The following ARHGAP6 variants were observed in gnomAD, a reference collection of about 807,000 sequenced individuals.
ARHGAP6 encodes rho GTPase-activating protein 6.
ARHGAP6 carries 16 observed loss-of-function variants against 55.7 expected under a neutral mutation model. That is an observed-to-expected ratio of 0.29 (90% confidence interval 0.19 to 0.44). ARHGAP6 has a LOEUF of 0.44. Among genes scored for constraint, ARHGAP6 ranks in the 20% least tolerant of loss-of-function variants. The probability of loss-of-function intolerance (pLI) is 1.00; values close to 1 mark genes in which losing one functional copy is unlikely to be tolerated. For missense variants in ARHGAP6, 698 were observed against 808.9 expected (o/e 0.86, Z 1.66); for synonymous variants, 382 against 360.9 (o/e 1.06, Z -0.66).
rs535056484 is a variant in ARHGAP6 at position 11,190,460 on chromosome X, GAT to G, written c.821-1478_821-1477del. Reference sequence around the variant, plus strand: ...GACCTCCTGTTATGTACCCTGAGGAGATATATATATATATATATATACATATA... The same window carrying G: ...GACCTCCTGTTATGTACCCTGAGGAGATATATATATATATATATACATATA... On this transcript the variant is annotated intron_variant, in intron 3 of 12. Coordinates refer to ENST00000337414, the MANE Select transcript of ARHGAP6 (RefSeq NM_013427.3). Among the ~76,000 whole-genome samples the G allele has an allele frequency of 1.9e-3, 144 of 76,914 alleles. 1 individual carries two copies. The highest frequency in any genetic ancestry group is 2.5e-3 in the South Asian group (4 of 1,598). The allele number at this position is 76,914 out of a possible 115,157, so 66.8% of individuals were successfully genotyped here. A position where few individuals can be genotyped will look rare whatever the true frequency, so the allele number is the denominator to read the frequency against.
At chrX:11,590,920 A>AAAGAG (rs2051821297) in intron 1 of ARHGAP6, among the ~76,000 whole-genome samples, 1 of 65,456 alleles carries the variant, frequency 1.5e-5, no homozygotes, top group African/African-American at 6.6e-5. Flanking sequence ...GAAAGAAAAG[A>AAAGAG]AAAGAAAAGA....
At chrX:11,302,046 T>C (rs1391137152) in intron 1 of ARHGAP6, among the ~76,000 whole-genome samples, 1 of 112,443 alleles carries the variant, frequency 8.9e-6, no homozygotes, top group Non-Finnish European at 1.9e-5. Flanking sequence ...ATACATTAAC[T>C]GGTAATTATA....
chrX:11,417,103 TATACAC>T (rs1359924122), intron 1 of ARHGAP6, among the ~76,000 whole-genome samples: 1 of 79,870 alleles, frequency 1.3e-5, no homozygotes, highest in African/African-American at 4.8e-5. Flanking sequence ...TATATATATA[TATACAC>T]ATACATATAT....
At chrX:11,182,639 T>C (rs1200625883) in intron 5 of ARHGAP6, among the ~76,000 whole-genome samples, 2 of 101,885 alleles carry the variant, frequency 2.0e-5, no homozygotes, top group Non-Finnish European at 4.0e-5. Flanking sequence ...TTTTTTCTTT[T>C]TTTTTTTTTT....
intron 8 of ARHGAP6, among the ~76,000 whole-genome samples, chrX:11,174,774 G>T (rs1006053894): frequency 9.6e-6 from 1 of 104,594 alleles, no homozygotes; most frequent in African/African-American, 3.5e-5. Flanking sequence ...TGCAAGCTCC[G>T]CCTCCCAGGT....
chrX:11,151,044 C>T (rs1201351632), intron 10 of ARHGAP6, among the ~76,000 whole-genome samples: 1 of 111,159 alleles, frequency 9.0e-6, no homozygotes, highest in Non-Finnish European at 1.9e-5. Context: ...TCACTAAGTC[C>T]CAGTCCTACT....
At chrX:11,161,198 C>T (rs1468208791) in intron 9 of ARHGAP6, among the ~76,000 whole-genome samples, 1 of 112,206 alleles carries the variant, frequency 8.9e-6, no homozygotes, top group African/African-American at 3.2e-5. Flanking sequence ...TAATCTTTGG[C>T]TATAACTGCA....
chrX:11,523,412 G>T (rs1479282152), intron 1 of ARHGAP6, among the ~76,000 whole-genome samples: 1 of 110,860 alleles, frequency 9.0e-6, no homozygotes, highest in Non-Finnish European at 1.9e-5. Context: ...AAGAAATAAA[G>T]GGTATTCAAT....
intron 1 of ARHGAP6, among the ~76,000 whole-genome samples, chrX:11,578,650 T>C (rs972081045): frequency 8.1e-5 from 9 of 111,742 alleles, no homozygotes; most frequent in African/African-American, 2.9e-4. Flanking sequence ...AAACTAGAAA[T>C]ACTATTTAAC....
chrX:11,581,920 C>T (rs997182567), intron 1 of ARHGAP6, among the ~76,000 whole-genome samples: 1 of 111,152 alleles, frequency 9.0e-6, no homozygotes, highest in East Asian at 2.8e-4. Context: ...CCCCACTCTC[C>T]CAAACTTTCA....
chrX:11,355,704 G>A (rs2048922432), intron 1 of ARHGAP6, among the ~76,000 whole-genome samples: 1 of 111,522 alleles, frequency 9.0e-6, no homozygotes, highest in African/African-American at 3.3e-5. Context: ...TTGGGTGAGT[G>A]GCCAAACATA....
chrX:11,399,205 T>C (rs888829092), intron 1 of ARHGAP6, among the ~76,000 whole-genome samples: 6 of 110,664 alleles, frequency 5.4e-5, no homozygotes, highest in East Asian at 5.6e-4. Context: ...GGAAACTATA[T>C]GAAGCAAAGG....
intron 1 of ARHGAP6, among the ~76,000 whole-genome samples, chrX:11,316,425 T>A (rs770881984): frequency 1.2e-4 from 14 of 112,329 alleles, no homozygotes; most frequent in African/African-American, 3.9e-4. Context: ...ACAGGATTTT[T>A]AAAAAATTAA....
intron 1 of ARHGAP6, among the ~76,000 whole-genome samples, chrX:11,540,734 A>G (rs2051149775): frequency 8.9e-6 from 1 of 112,676 alleles, no homozygotes; most frequent in South Asian, 3.7e-4. Context: ...GTAAAGAAGA[A>G]CATGGTGAAC....
intron 1 of ARHGAP6, among the ~76,000 whole-genome samples, chrX:11,349,556 CA>C (rs955577212): frequency 7.4e-5 from 8 of 107,517 alleles, no homozygotes; most frequent in African/African-American, 2.7e-4. Flanking sequence ...TGAATGAGAG[CA>C]AAAAAAAAGA....
chrX:11,437,919 CAG>C (rs970856939), intron 1 of ARHGAP6, among the ~76,000 whole-genome samples: 1 of 112,227 alleles, frequency 8.9e-6, no homozygotes, highest in African/African-American at 3.2e-5. Flanking sequence ...AGAGCACAGA[CAG>C]AGTCCACTGT....
intron 1 of ARHGAP6, among the ~76,000 whole-genome samples, chrX:11,655,235 ATTG>A (rs914310869): frequency 9.3e-6 from 1 of 107,404 alleles, no homozygotes; most frequent in African/African-American, 3.4e-5. Context: ...ATTCCTTTTT[ATTG>A]TTGAGTAATT....
chrX:11,292,659 G>A (rs2048014393), intron 1 of ARHGAP6, among the ~76,000 whole-genome samples: 1 of 112,006 alleles, frequency 8.9e-6, no homozygotes, highest in Non-Finnish European at 1.9e-5. Flanking sequence ...ACATGAGTTT[G>A]CTTGTAAAAA....
intron 1 of ARHGAP6, among the ~76,000 whole-genome samples, chrX:11,636,442 C>A: frequency 9.0e-6 from 1 of 111,450 alleles, no homozygotes; most frequent in East Asian, 2.8e-4. Flanking sequence ...TAAATCAGAG[C>A]ACTTTTTCAT....
Sources: allele counts gnomAD v4.1 joint callset (sites outside exome capture counted in the v4.1 genomes callset), GRCh38; gene constraint gnomAD v4.1.1; transcripts MANE v1.5; gene names NCBI Gene and HGNC (gene_info 2026-07-23, HGNC 2026-07-21).